Variants in GRIN2B observed in about 807,000 individuals in gnomAD.
GRIN2B encodes glutamate receptor ionotropic, NMDA 2B.
Under a neutral mutation model 114.5 loss-of-function variants are expected in GRIN2B, and 5 were observed. The observed-to-expected ratio is 0.04, with a 90% CI of 0.02 to 0.09. GRIN2B has a LOEUF of 0.09. Ranked by LOEUF, GRIN2B falls within the 10% of genes least tolerant of loss-of-function variation. The pLI, the probability that GRIN2B is intolerant of heterozygous loss-of-function variation, is 1.00. For synonymous variants in GRIN2B, 787 were observed against 745.1 expected (o/e 1.06, Z -0.92); for missense variants, 1,108 against 1,943.5 (o/e 0.57, Z 8.08).
chr12:13,744,092 A>C (rs1470745758), intron 4 of GRIN2B, among the ~76,000 whole-genome samples: 2 of 152,224 alleles, frequency 1.3e-5, no homozygotes, highest in East Asian at 3.8e-4. Flanking sequence ...CCTTCGCCCA[A>C]ACAATAAATG....
intron 4 of GRIN2B, among the ~76,000 whole-genome samples, chr12:13,684,673 T>C (rs1379145177): frequency 2.6e-5 from 4 of 152,184 alleles, no homozygotes; most frequent in Admixed American, 1.3e-4. Flanking sequence ...ATGCTGTATA[T>C]AAGTTAAAAT....
chr12:13,973,763 G>A (rs1206882510), intron 2 of GRIN2B, among the ~76,000 whole-genome samples: 1 of 152,174 alleles, frequency 6.6e-6, no homozygotes, highest in African/African-American at 2.4e-5. Context: ...GGTTTCTTCT[G>A]CTAATGAAAC....
intron 5 of GRIN2B, among the ~76,000 whole-genome samples, chr12:13,637,968 G>A (rs531276856): frequency 1.5e-4 from 23 of 152,256 alleles, no homozygotes; most frequent in Admixed American, 5.2e-4. Flanking sequence ...AGTGTTATGT[G>A]TCTGAGTGGC....
chr12:13,610,992 C>G (rs772327973), intron 9 of GRIN2B, among the ~76,000 whole-genome samples: 1 of 152,160 alleles, frequency 6.6e-6, no homozygotes, highest in Non-Finnish European at 1.5e-5. Flanking sequence ...ATTTCTTAAT[C>G]CTGGGGTTCT....
chr12:13,866,869 G>C (rs1463036641), intron 2 of GRIN2B, among the ~76,000 whole-genome samples: 1 of 152,172 alleles, frequency 6.6e-6, no homozygotes, highest in Non-Finnish European at 1.5e-5. Flanking sequence ...CAATGACCCA[G>C]TAGGGAATAA....
intron 3 of GRIN2B, among the ~76,000 whole-genome samples, chr12:13,760,761 GCA>G (rs1218566442): frequency 1.3e-5 from 2 of 152,090 alleles, no homozygotes; most frequent in Non-Finnish European, 2.9e-5. Flanking sequence ...TCCACATTTA[GCA>G]CAGAGTAGAA....
intron 4 of GRIN2B, among the ~76,000 whole-genome samples, chr12:13,745,704 G>A (rs1032354846): frequency 6.6e-6 from 1 of 152,202 alleles, no homozygotes; most frequent in African/African-American, 2.4e-5. Flanking sequence ...GACTCTTCCA[G>A]CTCTAATGCT....
intron 4 of GRIN2B, among the ~76,000 whole-genome samples, chr12:13,727,306 G>A (rs1863007344): frequency 6.6e-6 from 1 of 152,128 alleles, no homozygotes; most frequent in Non-Finnish European, 1.5e-5. Flanking sequence ...ACACAGCCTT[G>A]GTTCCAGACA....
At chr12:13,637,584 T>C (rs768348827) in intron 5 of GRIN2B, among the ~76,000 whole-genome samples, 1 of 152,016 alleles carries the variant, frequency 6.6e-6, no homozygotes, top group Non-Finnish European at 1.5e-5. Flanking sequence ...CAGCAAAAAA[T>C]AGTCCATGGA....
intron 2 of GRIN2B, among the ~76,000 whole-genome samples, chr12:13,950,870 T>A (rs1052455454): frequency 1.3e-5 from 2 of 152,082 alleles, no homozygotes; most frequent in Non-Finnish European, 2.9e-5. Context: ...AGAATCCCTA[T>A]CAGAAATAAA....
chr12:13,697,088 C>A (rs2136564406), intron 4 of GRIN2B, among the ~76,000 whole-genome samples: 1 of 152,120 alleles, frequency 6.6e-6, no homozygotes, highest in East Asian at 1.9e-4. Context: ...GAAAATCAGG[C>A]CCTGCTTGAT....
chr12:13,846,859 G>A (rs1246632750), intron 3 of GRIN2B, among the ~76,000 whole-genome samples: 1 of 151,984 alleles, frequency 6.6e-6, no homozygotes, highest in Non-Finnish European at 1.5e-5. Context: ...AGGAGGGGAG[G>A]ATTCCTAGGA....
chr12:13,625,048 G>A (rs973298431), intron 5 of GRIN2B, among the ~76,000 whole-genome samples: 3 of 152,170 alleles, frequency 2.0e-5, no homozygotes, highest in African/African-American at 7.2e-5. Context: ...GATCATATTA[G>A]AGTAATTAGA....
At chr12:13,974,963 A>G (rs1001188592) in intron 2 of GRIN2B, among the ~76,000 whole-genome samples, 7 of 152,266 alleles carry the variant, frequency 4.6e-5, no homozygotes, top group Non-Finnish European at 7.3e-5. Flanking sequence ...GAGAGGAATC[A>G]GTTATGAGAA....
At chr12:13,857,769 G>A (rs924135900) in intron 3 of GRIN2B, among the ~76,000 whole-genome samples, 1 of 152,160 alleles carries the variant, frequency 6.6e-6, no homozygotes, top group African/African-American at 2.4e-5. Flanking sequence ...CTCCACCAGA[G>A]AGACTTGCAA....
chr12:13,712,713 A>G (rs1000848792), intron 4 of GRIN2B, among the ~76,000 whole-genome samples: 8 of 151,934 alleles, frequency 5.3e-5, no homozygotes, highest in Non-Finnish European at 1.2e-4. Context: ...CTATCAGGGA[A>G]AGCCAATCTT....
chr12:13,655,753 G>C (rs1949857854), intron 5 of GRIN2B, among the ~76,000 whole-genome samples: 1 of 152,140 alleles, frequency 6.6e-6, no homozygotes, highest in Admixed American at 6.6e-5. Flanking sequence ...TAAGTGATCT[G>C]CTTAGAACAG....
rs1050623213 is a variant in GRIN2B at position 13,837,554 on chromosome 12, G to A, written c.411+28244C>T. Among the ~76,000 whole-genome samples, 3 of 152,188 alleles carry A rather than the reference G, an allele frequency of 2.0e-5. No homozygotes were observed. The East Asian group carries it at 5.8e-4, about 29-fold the overall frequency. The stretch of plus-strand genomic sequence containing the variant: ...TTTCCTTCTATGTTAACCATACATG[G>A]CTGGCATTATTCCTGTTTTAACAGT... On this transcript the variant is annotated intron_variant, in intron 3 of 13. Transcript: ENST00000609686.
At chr12:13,714,474 A>T (rs1950439275) in intron 4 of GRIN2B, among the ~76,000 whole-genome samples, 1 of 151,846 alleles carries the variant, frequency 6.6e-6, no homozygotes, top group African/African-American at 2.4e-5. Flanking sequence ...TTATGATTCA[A>T]ACCTGACCCA....
Sources: gnomAD v4.1 joint callset for allele counts (sites outside exome capture counted in the v4.1 genomes callset) on GRCh38, gnomAD v4.1.1 for gene constraint, MANE v1.5 for transcripts, NCBI Gene and HGNC (gene_info 2026-07-23, HGNC 2026-07-21) for gene names.